Variants in SDK1 observed in about 807,000 individuals in gnomAD.
SDK1 encodes the protein sidekick cell adhesion molecule 1, also known as protein sidekick-1.
SDK1 carries 157 observed loss-of-function variants against 245.5 expected under a neutral mutation model. That is an observed-to-expected ratio of 0.64 (90% CI 0.56 to 0.73). The LOEUF (loss-of-function observed/expected upper bound fraction) is 0.73, where lower values mean the gene tolerates loss of function less well. Ranked by LOEUF, SDK1 falls within the 30% of genes least tolerant of loss-of-function variation. SDK1 has a pLI of 0.00. For synonymous variants in SDK1, 1,647 were observed against 1,278.5 expected (o/e 1.29, Z -6.15); for missense variants, 3,583 against 3,002.3 (o/e 1.19, Z -4.52).
At chr7:3,486,879 A>C (rs1426120874) in intron 1 of SDK1, among the ~76,000 whole-genome samples, 1 of 152,162 alleles carries the variant, frequency 6.6e-6, no homozygotes, top group Non-Finnish European at 1.5e-5. Flanking sequence ...GCCTCTCTTA[A>C]CTGTCTTATT....
chr7:4,162,428 T>G (rs1781209387), intron 32 of SDK1, among the ~76,000 whole-genome samples: 1 of 149,146 alleles, frequency 6.7e-6, no homozygotes, highest in South Asian at 2.1e-4. Context: ...TGGGACAGAG[T>G]CTCACTCTGT....
intron 1 of SDK1, among the ~76,000 whole-genome samples, chr7:3,334,120 C>G (rs1413272364): frequency 1.3e-5 from 2 of 152,206 alleles, no homozygotes; most frequent in East Asian, 3.8e-4. Flanking sequence ...GAACCTAAAT[C>G]TAGAGCAGAA....
At chr7:3,516,507 A>T (rs973564808) in intron 1 of SDK1, among the ~76,000 whole-genome samples, 12 of 152,150 alleles carry the variant, frequency 7.9e-5, no homozygotes, top group South Asian at 2.1e-4. Flanking sequence ...AGTGTATTTT[A>T]AAAAATTATT....
At chr7:3,789,555 T>C (rs1373698346) in intron 4 of SDK1, among the ~76,000 whole-genome samples, 1 of 152,212 alleles carries the variant, frequency 6.6e-6, no homozygotes, top group Non-Finnish European at 1.5e-5. Flanking sequence ...TTAGAAACAT[T>C]GGTCACGTGT....
intron 1 of SDK1, among the ~76,000 whole-genome samples, chr7:3,518,750 C>T (rs976750352): frequency 1.3e-5 from 2 of 151,952 alleles, no homozygotes; most frequent in Non-Finnish European, 1.5e-5. Context: ...AGTATGGTCA[C>T]TATGGAGAGC....
chr7:3,437,148 C>T (rs1780052558), intron 1 of SDK1, among the ~76,000 whole-genome samples: 1 of 152,088 alleles, frequency 6.6e-6, no homozygotes, highest in South Asian at 2.1e-4. Context: ...TACTGTAGTC[C>T]TTCACCTTTA....
intron 4 of SDK1, among the ~76,000 whole-genome samples, chr7:3,738,796 A>G (rs1192444821): frequency 1.3e-5 from 2 of 151,992 alleles, no homozygotes; most frequent in Admixed American, 6.6e-5. Flanking sequence ...TACTATTGTA[A>G]TGAAATTGTT....
intron 1 of SDK1, among the ~76,000 whole-genome samples, chr7:3,513,735 C>A (rs539204642): frequency 6.6e-6 from 1 of 152,146 alleles, no homozygotes; most frequent in African/African-American, 2.4e-5. Context: ...AGCCCATCAC[C>A]CAGGTAGTGA....
chr7:3,924,875 C>T (rs533872656), intron 5 of SDK1, among the ~76,000 whole-genome samples: 12 of 152,200 alleles, frequency 7.9e-5, no homozygotes, highest in African/African-American at 1.2e-4. Context: ...TCATGGTGGA[C>T]GACTCACTTG....
At position 3,526,253 on chromosome 7, in the gene SDK1, C is replaced by T. The variant is rs919495803; in HGVS notation, c.299-92827C>T. On this transcript the variant is annotated intron_variant, in intron 1 of 44. Coordinates refer to ENST00000404826, the MANE Select transcript of SDK1 (RefSeq NM_152744.4). The stretch of plus-strand genomic sequence containing the variant: ...GTCGCAAAAAAAGAAAAAAAAAAAT[C>T]ACACTGTGACCTTTATAGGATATCT... Among the ~76,000 whole-genome samples, 8 of 151,786 alleles carry T rather than the reference C, an allele frequency of 5.3e-5. No individual in the cohort carries two copies. In the South Asian group the frequency reaches 6.2e-4, roughly 12 times the overall value.
At chr7:3,671,953 A>G (rs899456795) in intron 4 of SDK1, among the ~76,000 whole-genome samples, 2 of 152,158 alleles carry the variant, frequency 1.3e-5, no homozygotes, top group Admixed American at 1.3e-4. Flanking sequence ...TTATCCCTTT[A>G]CAACTGATCC....
intron 32 of SDK1, among the ~76,000 whole-genome samples, chr7:4,172,445 C>T (rs1562385817): frequency 6.6e-6 from 1 of 152,194 alleles, no homozygotes; most frequent in Non-Finnish European, 1.5e-5. Flanking sequence ...GAGCAAAGAA[C>T]ACCGCTTCCT....
intron 32 of SDK1, among the ~76,000 whole-genome samples, chr7:4,162,997 C>T (rs558314838): frequency 1.1e-4 from 17 of 152,300 alleles, no homozygotes; most frequent in African/African-American, 4.1e-4. Flanking sequence ...CTGTGTAGCC[C>T]GGATCCGGGG....
intron 23 of SDK1, 25 bp from the exon 24 acceptor site, chr7:4,113,264 C>T: frequency 1.9e-6 from 3 of 1,606,148 alleles, no homozygotes; most frequent in Non-Finnish European, 1.7e-6. Context: ...TTTGCCGTGA[C>T]TCTCATCAGT....
At chr7:3,831,050 A>G (rs1779900915) in intron 5 of SDK1, among the ~76,000 whole-genome samples, 1 of 152,206 alleles carries the variant, frequency 6.6e-6, no homozygotes, top group Admixed American at 6.5e-5. Flanking sequence ...TGTAATTGAT[A>G]TGAAAGATAA....
At chr7:3,309,157 TTG>T (rs1779490158) in intron 1 of SDK1, among the ~76,000 whole-genome samples, 1 of 152,190 alleles carries the variant, frequency 6.6e-6, no homozygotes, top group East Asian at 1.9e-4. Flanking sequence ...TTAATTTATT[TTG>T]TGTGTTTGTG....
intron 1 of SDK1, among the ~76,000 whole-genome samples, chr7:3,544,372 A>C (rs1210647013): frequency 2.0e-5 from 3 of 152,166 alleles, no homozygotes; most frequent in Non-Finnish European, 4.4e-5. Context: ...ACAGACCTCT[A>C]GCGACCTCAC....
intron 35 of SDK1, among the ~76,000 whole-genome samples, chr7:4,191,032 GA>G (rs970767341): frequency 1.3e-5 from 2 of 152,330 alleles, no homozygotes; most frequent in African/African-American, 4.8e-5. Flanking sequence ...TGACCCTTGT[GA>G]AATGCAAATC....
At chr7:4,130,819 G>T (rs538610593) in intron 27 of SDK1, among the ~76,000 whole-genome samples, 19 of 152,204 alleles carry the variant, frequency 1.2e-4, no homozygotes, top group African/African-American at 4.1e-4. Context: ...GAGAAATGCG[G>T]ATCTCTCCCG....
Sources: gnomAD v4.1 joint callset for allele counts (sites outside exome capture counted in the v4.1 genomes callset) on GRCh38, gnomAD v4.1.1 for gene constraint, MANE v1.5 for transcripts, NCBI Gene and HGNC (gene_info 2026-07-23, HGNC 2026-07-21) for gene names.